Variants in DNAH14 observed in about 807,000 individuals in gnomAD.
DNAH14 encodes axonemal beta dynein heavy chain 14.
A neutral mutation model predicts 520.9 loss-of-function variants in DNAH14; 478 were observed. That is an observed-to-expected ratio of 0.92 (90% CI 0.85 to 0.99). The LOEUF (loss-of-function observed/expected upper bound fraction) is 0.99, where lower values mean the gene tolerates loss of function less well. DNAH14 is among the 50% of genes least tolerant of loss of function. The pLI is 0.00. For synonymous variants in DNAH14, 1,581 were observed against 1,757.2 expected, an observed-to-expected ratio of 0.90 and a Z score of 2.51; for missense variants, 4,831 against 5,234.5, an observed-to-expected ratio of 0.92 and a Z score of 2.38.
chr1:225,358,686 A>G lies in DNAH14; in HGVS notation c.11776+34A>G, dbSNP rs764473278. 4 of 1,537,840 alleles carry G rather than the reference A, an allele frequency of 2.6e-6. No homozygotes were observed. In the African/African-American group the frequency reaches 5.5e-5, roughly 21 times the overall value. On this transcript the variant is annotated intron_variant, in intron 74 of 85. Transcript: ENST00000682510. ...TTTGTGAATAGTTAAGATGATCGAT[A>G]TGGTTTGGCTCTGTGTCCCCACCCA...
At chr1:225,106,754 C>A (rs1011287280) in intron 23 of DNAH14, among the ~76,000 whole-genome samples, 2 of 152,160 alleles carry the variant, frequency 1.3e-5, no homozygotes, top group South Asian at 4.1e-4. Flanking sequence ...GACTTCTCTG[C>A]ATTGGTTATT....
intron 12 of DNAH14, among the ~76,000 whole-genome samples, chr1:225,042,340 C>T (rs2067553292): frequency 6.6e-6 from 1 of 152,234 alleles, no homozygotes; most frequent in East Asian, 1.9e-4. Flanking sequence ...GATATTTATC[C>T]CCTAGTGTTT....
At chr1:225,001,514 ATCAG>A (rs2063771738) in intron 8 of DNAH14, among the ~76,000 whole-genome samples, 1 of 152,098 alleles carries the variant, frequency 6.6e-6, no homozygotes, top group Non-Finnish European at 1.5e-5. Context: ...GAAGACAGTC[ATCAG>A]TCAATGTGTT....
At chr1:225,050,955 A>C (rs1421237821) in intron 16 of DNAH14, among the ~76,000 whole-genome samples, 1 of 152,164 alleles carries the variant, frequency 6.6e-6, no homozygotes, top group Non-Finnish European at 1.5e-5. Flanking sequence ...TGCAGTTCAC[A>C]ATAGGGTTCA....
intron 71 of DNAH14, 125 bp downstream of exon 71, chr1:225,346,779 C>G (rs1181941723): frequency 3.0e-4 from 190 of 624,378 alleles, no homozygotes; most frequent in Non-Finnish European, 5.9e-5. Context: ...GGTCAAGCAC[C>G]TCCACTGTTA....
intron 9 of DNAH14, among the ~76,000 whole-genome samples, chr1:225,003,156 TTTA>T (rs2063895918): frequency 6.6e-6 from 1 of 152,056 alleles, no homozygotes; most frequent in African/African-American, 2.4e-5. Flanking sequence ...TATAAGACCC[TTTA>T]TTTTCAAATG....
chr1:225,092,224 T>G (rs950661879), intron 21 of DNAH14, among the ~76,000 whole-genome samples: 7 of 152,194 alleles, frequency 4.6e-5, no homozygotes, highest in Non-Finnish European at 8.8e-5. Flanking sequence ...ATGGACCTAA[T>G]AGAAATCTAC....
chr1:225,238,750 C>T (rs949809015), intron 42 of DNAH14, among the ~76,000 whole-genome samples: 6 of 151,970 alleles, frequency 3.9e-5, no homozygotes, highest in African/African-American at 1.5e-4. Context: ...AGACAGCAGC[C>T]AGCCCCACCT....
chr1:225,216,222 C>G (rs2089294412), intron 41 of DNAH14, among the ~76,000 whole-genome samples: 1 of 152,188 alleles, frequency 6.6e-6, no homozygotes, highest in Non-Finnish European at 1.5e-5. Flanking sequence ...TGAATATTGG[C>G]TCCCACTCTC....
At chr1:225,009,222 G>GT (rs1239940185) in intron 10 of DNAH14, among the ~76,000 whole-genome samples, 3 of 152,108 alleles carry the variant, frequency 2.0e-5, no homozygotes, top group East Asian at 3.8e-4. Context: ...TTCTTCTAGG[G>GT]TTTTTATGGT....
intron 42 of DNAH14, among the ~76,000 whole-genome samples, chr1:225,234,588 G>A (rs1269197660): frequency 3.9e-5 from 6 of 152,058 alleles, no homozygotes; most frequent in African/African-American, 4.8e-5. Context: ...GAAGAATGTC[G>A]ATGGTAGTTT....
Position 225,157,010 on chromosome 1 carries a change from C to T in DNAH14, c.5274-2304C>T, listed in dbSNP as rs1271022813. On this transcript the variant is annotated intron_variant, in intron 34 of 85. Coordinates refer to ENST00000682510, the MANE Select transcript of DNAH14 (RefSeq NM_001367479.1). ...GATTACAGGCGTGAGCCACCGCGCC[C>T]GGCCTTAAAATTCTTAATCACCTCT... 3.7e-5 allele frequency among the ~76,000 whole-genome samples: 4 copies of T among 109,358 alleles called. 1 individual carries two copies. The highest frequency in any genetic ancestry group is 9.6e-5 in the Admixed American group (1 of 10,442). 71.7% of individuals were successfully genotyped at this position (109,358 alleles called of 152,430 possible). A position where few individuals can be genotyped will look rare whatever the true frequency, so the allele number is the denominator to read the frequency against.
At chr1:225,297,476 G>C (rs2094035377) in intron 55 of DNAH14, among the ~76,000 whole-genome samples, 1 of 152,076 alleles carries the variant, frequency 6.6e-6, no homozygotes, top group African/African-American at 2.4e-5. Context: ...TATGCATCTG[G>C]AAAAGCAATC....
intron 20 of DNAH14, 70 bp downstream of exon 20, chr1:225,082,809 A>G: frequency 8.0e-7 from 1 of 1,250,412 alleles, no homozygotes; most frequent in Non-Finnish European, 1.1e-6. Context: ...TAGGCGAGTA[A>G]ATATACAATG....
Position 225,353,806 on chromosome 1 carries a change from A to C in DNAH14, c.11537A>C (p.Glu3846Ala). The C allele has an allele frequency of 6.8e-7, 1 of 1,477,612 alleles. No homozygotes were observed. The highest frequency in any genetic ancestry group is 9.2e-7 in the Non-Finnish European group (1 of 1,088,726). 91.5% of individuals were successfully genotyped at this position (1,477,612 alleles called of 1,614,324 possible). A position where few individuals can be genotyped will look rare whatever the true frequency, so the allele number is the denominator to read the frequency against. Reference protein sequence around the residue: ...EENTKPPEETELLNENKETCN... With the variant: ...EENTKPPEETALLNENKETCN... ...TCTTTCTCTAAATTATATCTAGCTG[A>C]ACTTTTGAATGAAAATAAAGAAACG... Residue 3846 changes from glutamate to alanine, a missense_variant, in exon 73 of 86, where the codon GAA (glutamate) becomes GCA (alanine). Coordinates refer to ENST00000682510, the MANE Select transcript of DNAH14 (RefSeq NM_001367479.1).
At chr1:225,033,928 C>A (rs1175373072) in intron 11 of DNAH14, among the ~76,000 whole-genome samples, 1 of 152,068 alleles carries the variant, frequency 6.6e-6, no homozygotes, top group Non-Finnish European at 1.5e-5. Context: ...TTGTATCCTG[C>A]AACTTTGCTA....
intron 11 of DNAH14, among the ~76,000 whole-genome samples, chr1:225,028,529 T>A (rs1392600551): frequency 1.3e-5 from 2 of 152,026 alleles, no homozygotes; most frequent in Non-Finnish European, 2.9e-5. Context: ...ATTTTCTTAG[T>A]CTAGTTAAAC....
At chr1:224,949,204 T>C (rs77496799) in intron 1 of DNAH14, among the ~76,000 whole-genome samples, 8,009 of 152,262 alleles carry the variant, frequency 0.053, 317 homozygotes, top group Non-Finnish European at 0.078. Flanking sequence ...GATTTTACTG[T>C]CAAGAAGCCC....
intron 8 of DNAH14, among the ~76,000 whole-genome samples, chr1:225,000,613 C>T (rs1334507902): frequency 6.7e-6 from 1 of 150,158 alleles, no homozygotes; most frequent in African/African-American, 2.5e-5. Context: ...CACTCTGTTG[C>T]CCAGGCTGGA....
Sources: gnomAD v4.1 joint callset for allele counts (sites outside exome capture counted in the v4.1 genomes callset) on GRCh38, gnomAD v4.1.1 for gene constraint, MANE v1.5 for transcripts, NCBI Gene and HGNC (gene_info 2026-07-23, HGNC 2026-07-21) for gene names.